Variants in UNC5B observed in about 807,000 individuals in gnomAD.
UNC5B encodes the protein netrin receptor UNC5B.
A neutral mutation model predicts 103.7 loss-of-function variants in UNC5B; 56 were observed. The ratio of observed to expected loss-of-function variants is 0.54; its 90% CI spans 0.44 to 0.67. UNC5B has a LOEUF of 0.67. Among genes scored for constraint, UNC5B ranks in the 30% least tolerant of loss-of-function variants. The pLI is 0.00. For missense variants in UNC5B, 1,194 were observed against 1,284.5 expected (o/e 0.93, Z 1.08); for synonymous variants, 577 against 542.0 (o/e 1.06, Z -0.90).
chr10:71,264,014 A>G (rs541644661), intron 1 of UNC5B, among the ~76,000 whole-genome samples: 12 of 152,354 alleles, frequency 7.9e-5, no homozygotes, highest in African/African-American at 2.6e-4. Context: ...TTGAACTAGA[A>G]GAAATTGCTG....
At chr10:71,265,671 C>G (rs1340784690) in intron 1 of UNC5B, among the ~76,000 whole-genome samples, 1 of 152,186 alleles carries the variant, frequency 6.6e-6, no homozygotes, top group East Asian at 1.9e-4. Context: ...TTGGAGGCCT[C>G]AGGGGAGCCG....
intron 6 of UNC5B, among the ~76,000 whole-genome samples, chr10:71,287,982 G>A (rs1027696626): frequency 7.2e-5 from 11 of 152,192 alleles, no homozygotes; most frequent in African/African-American, 2.7e-4. Flanking sequence ...GGCTTTGAGG[G>A]TTAGCCCCTT....
chr10:71,240,630 G>A (rs1436854213), intron 1 of UNC5B, among the ~76,000 whole-genome samples: 1 of 152,222 alleles, frequency 6.6e-6, no homozygotes, highest in Non-Finnish European at 1.5e-5. Flanking sequence ...TACCAGCAAT[G>A]ATTTCCTCCC....
chr10:71,252,806 C>T (rs903657062), intron 1 of UNC5B, among the ~76,000 whole-genome samples: 1 of 152,152 alleles, frequency 6.6e-6, no homozygotes, highest in African/African-American at 2.4e-5. Context: ...TTCCAGAGAG[C>T]GGGCAGGGAG....
At chr10:71,232,036 T>C (rs1268427112) in intron 1 of UNC5B, among the ~76,000 whole-genome samples, 2 of 152,206 alleles carry the variant, frequency 1.3e-5, no homozygotes, top group East Asian at 1.9e-4. Context: ...CACAGCAAAC[T>C]GAATTCTCAA....
At chr10:71,230,780 G>A (rs557068283) in intron 1 of UNC5B, among the ~76,000 whole-genome samples, 13 of 152,344 alleles carry the variant, frequency 8.5e-5, no homozygotes, top group Non-Finnish European at 1.0e-4. Context: ...AGGACCTCCC[G>A]CCCACAGAAA....
At chr10:71,293,205 C>CAAA (rs1216246463) in intron 11 of UNC5B, among the ~76,000 whole-genome samples, 200 bp from the exon 12 acceptor site, 3 of 152,168 alleles carry the variant, frequency 2.0e-5, no homozygotes, top group Admixed American at 6.5e-5. Flanking sequence ...AGTGGAATAG[C>CAAA]AAAAATCTGG....
chr10:71,296,667 G>T lies in UNC5B; in HGVS notation c.2415G>T (p.Glu805Asp), dbSNP rs766486209. 1.2e-6 allele frequency: 2 copies of T among 1,614,024 alleles called. No individual in the cohort carries two copies. Among genetic ancestry groups the T allele is most frequent in the South Asian group, 1.1e-5 (1 of 91,084 alleles). Residue 805 changes from glutamate to aspartate, a missense_variant, in exon 15 of 17, where the codon GAG becomes GAT. Coordinates refer to ENST00000335350, the MANE Select transcript of UNC5B (RefSeq NM_170744.5). ...TLERHSLAST[E>D]LTCKICVRQV... ...AGAGGCACAGCTTGGCCTCCACAGAGCTCACCTGCAAGATCTGCGTGCGGC... is the reference window on the plus strand; with the variant it reads ...AGAGGCACAGCTTGGCCTCCACAGATCTCACCTGCAAGATCTGCGTGCGGC...
chr10:71,254,701 G>A (rs1844251998), intron 1 of UNC5B, among the ~76,000 whole-genome samples: 2 of 152,222 alleles, frequency 1.3e-5, no homozygotes, highest in African/African-American at 4.8e-5. Context: ...GTGGCAACAG[G>A]TGCACTGAGC....
chr10:71,238,731 C>T (rs898413715), intron 1 of UNC5B, among the ~76,000 whole-genome samples: 4 of 152,184 alleles, frequency 2.6e-5, no homozygotes, highest in African/African-American at 9.7e-5. Flanking sequence ...GCTGGGATTA[C>T]ACACCTGGGC....
chr10:71,221,526 A>C lies in UNC5B; in HGVS notation c.79+8462A>C, dbSNP rs552720123. On this transcript the variant is annotated intron_variant, in intron 1 of 16. Transcript: ENST00000335350. ...CAGCCCACCCTAAAACCTGATGCAC[A>C]TGCCCATTCATTCAGCCTGAGCAAG... Among the ~76,000 whole-genome samples, 49 of 152,356 alleles carry C rather than the reference A, an allele frequency of 3.2e-4. 1 individual carries two copies. Among genetic ancestry groups the C allele is most frequent in the African/African-American group, 1.1e-3 (46 of 41,596 alleles).
chr10:71,267,040 T>C (rs867300928), intron 1 of UNC5B, among the ~76,000 whole-genome samples: 2 of 152,166 alleles, frequency 1.3e-5, no homozygotes, highest in Non-Finnish European at 2.9e-5. Flanking sequence ...AGCTTGGTAC[T>C]ATTCAAGTTT....
At chr10:71,288,773 T>A in intron 7 of UNC5B, 41 bp downstream of exon 7, 2 of 1,566,238 alleles carry the variant, frequency 1.3e-6, no homozygotes, top group Non-Finnish European at 8.7e-7. Context: ...GTGGGGACTC[T>A]GGAGCCATGT....
At chr10:71,255,751 C>G (rs1844276320) in intron 1 of UNC5B, among the ~76,000 whole-genome samples, 1 of 152,262 alleles carries the variant, frequency 6.6e-6, no homozygotes, top group Non-Finnish European at 1.5e-5. Context: ...GGACTGAATT[C>G]TCACCCTTTC....
chr10:71,248,240 C>G (rs750302191), intron 1 of UNC5B, among the ~76,000 whole-genome samples: 6 of 152,240 alleles, frequency 3.9e-5, no homozygotes, highest in South Asian at 2.1e-4. Context: ...GAGCTCCCCC[C>G]ACTTGCTTCC....
intron 1 of UNC5B, chr10:71,218,362 G>C (rs1181145916): frequency 5.3e-5 from 8 of 152,306 alleles, no homozygotes; most frequent in Non-Finnish European, 8.8e-5. Flanking sequence ...TGTGGAGACA[G>C]TGAGTCACCA....
chr10:71,234,006 A>G (rs1843729337), intron 1 of UNC5B, among the ~76,000 whole-genome samples: 1 of 152,246 alleles, frequency 6.6e-6, no homozygotes, highest in Admixed American at 6.5e-5. Context: ...ATGAGTGTGC[A>G]AGTACAGTTA....
intron 1 of UNC5B, among the ~76,000 whole-genome samples, chr10:71,274,284 C>T (rs1207095318): frequency 1.3e-5 from 2 of 151,928 alleles, no homozygotes; most frequent in Non-Finnish European, 2.9e-5. Context: ...TGCTTGAACC[C>T]GGGAGGCGGA....
intron 1 of UNC5B, among the ~76,000 whole-genome samples, chr10:71,279,259 A>T (rs7068613): frequency 0.054 from 8,185 of 152,262 alleles, 720 homozygotes; most frequent in African/African-American, 0.18. Context: ...GCTGAGCACC[A>T]TGGAGTCCAG....
Sources: gnomAD v4.1 joint callset for allele counts (sites outside exome capture counted in the v4.1 genomes callset) on GRCh38, gnomAD v4.1.1 for gene constraint, MANE v1.5 for transcripts, NCBI Gene and HGNC (gene_info 2026-07-23, HGNC 2026-07-21) for gene names.